Variants in UNC79 observed in about 807,000 individuals in gnomAD.
The protein encoded by UNC79 is unc-79 subunit of NALCN channel complex, also known as protein unc-79 homolog.
UNC79 carries 37 observed loss-of-function variants against 283.1 expected under a neutral mutation model. The ratio of observed to expected loss-of-function variants is 0.13; its 90% CI spans 0.10 to 0.17. UNC79 has a LOEUF of 0.17. Among genes scored for constraint, UNC79 ranks in the 10% least tolerant of loss-of-function variants. The pLI is 1.00. For missense variants in UNC79, 2,272 were observed against 3,211.1 expected (o/e 0.71, Z 7.07); for synonymous variants, 1,107 against 1,200.2 (o/e 0.92, Z 1.61).
rs1397148012 is a variant in UNC79 at position 93,688,249 on chromosome 14, C to A, written c.6910-416C>A. Reference sequence around the variant, plus strand: ...AACTACAGTAAAAATGTGTCTCTCACAATTGCTATGAAAAAGAGGCAGAAG... The same window carrying A: ...AACTACAGTAAAAATGTGTCTCTCAAAATTGCTATGAAAAAGAGGCAGAAG... On this transcript the variant is annotated intron_variant, in intron 43 of 48. Coordinates refer to ENST00000555664, the Ensembl canonical transcript of UNC79. This position sits in a 1 kb window ranked among gnomAD's most constrained non-coding sequence, Gnocchi z 4.0. Among the ~76,000 whole-genome samples the A allele has an allele frequency of 2.0e-5, 3 of 152,108 alleles. No homozygotes were observed. Among genetic ancestry groups the A allele is most frequent in the Non-Finnish European group, 4.4e-5 (3 of 68,032 alleles).
chr14:93,625,215 G>A (rs1297746388), intron 30 of UNC79, among the ~76,000 whole-genome samples: 1 of 152,136 alleles, frequency 6.6e-6, no homozygotes, highest in Non-Finnish European at 1.5e-5. Context: ...ACTGGACTTG[G>A]CCAGGGGCAG....
intron 1 of UNC79, among the ~76,000 whole-genome samples, chr14:93,387,422 T>C (rs2054800989): frequency 2.0e-5 from 3 of 152,142 alleles, no homozygotes; most frequent in Admixed American, 1.3e-4. Context: ...ATTTCTTAGG[T>C]TTTGGTATGC....
chr14:93,597,425 A>G, exon 24 of UNC79: 1 of 1,614,222 alleles, frequency 6.2e-7, no homozygotes, highest in South Asian at 1.1e-5. Flanking sequence ...CACCTGCTGA[A>G]GTACTCCCTG....
intron 1 of UNC79, among the ~76,000 whole-genome samples, chr14:93,404,493 A>AAAAAAAAAAATATATATATATAT: frequency 2.1e-4 from 13 of 61,496 alleles, no homozygotes; most frequent in Non-Finnish European, 2.9e-4. Flanking sequence ...TTCTAAAAAA[A>AAAAAAAAAAATATATATATATAT]ATATATATAT....
intron 14 of UNC79, among the ~76,000 whole-genome samples, chr14:93,564,818 G>A (rs1478758591): frequency 2.6e-5 from 4 of 152,164 alleles, no homozygotes; most frequent in Non-Finnish European, 5.9e-5. Context: ...GGATGAGCCA[G>A]GAGAAGGAAT....
chr14:93,519,887 A>G (rs1384330298), intron 7 of UNC79, among the ~76,000 whole-genome samples: 1 of 151,602 alleles, frequency 6.6e-6, no homozygotes, highest in Non-Finnish European at 1.5e-5. Context: ...ATTAGCCTCT[A>G]TTCATTATAA....
intron 20 of UNC79, among the ~76,000 whole-genome samples, chr14:93,586,084 G>A (rs2064205341): frequency 6.6e-6 from 1 of 152,148 alleles, no homozygotes; most frequent in Non-Finnish European, 1.5e-5. Flanking sequence ...GTTTCACCAT[G>A]TTGGCCATGC....
intron 1 of UNC79, among the ~76,000 whole-genome samples, chr14:93,422,196 G>A (rs933282869): frequency 4.0e-5 from 6 of 151,798 alleles, no homozygotes; most frequent in African/African-American, 1.4e-4. Context: ...CATTGGTTTG[G>A]TCTGGAAAGG....
intron 47 of UNC79, among the ~76,000 whole-genome samples, chr14:93,701,743 A>C (rs2075545629): frequency 1.3e-5 from 2 of 152,240 alleles, no homozygotes; most frequent in Admixed American, 1.3e-4. Flanking sequence ...GATGAGCTTT[A>C]ACTGGATACA....
intron 1 of UNC79, among the ~76,000 whole-genome samples, chr14:93,422,189 T>G (rs2055615353): frequency 6.6e-6 from 1 of 151,764 alleles, no homozygotes; most frequent in African/African-American, 2.4e-5. Flanking sequence ...AGATTTACAT[T>G]GGTTTGGTCT....
exon 12 of UNC79, chr14:93,538,035 C>T: frequency 1.2e-6 from 2 of 1,614,086 alleles, no homozygotes; most frequent in Non-Finnish European, 1.7e-6. Context: ...TGCTTCTCAG[C>T]AGGGTGCTGT....
chr14:93,609,272 G>A (rs1022898509), intron 26 of UNC79, among the ~76,000 whole-genome samples: 2 of 152,146 alleles, frequency 1.3e-5, no homozygotes, highest in East Asian at 1.9e-4. Context: ...GTGCAAAGAG[G>A]GAAAAACGGC....
chr14:93,558,615 T>C (rs1361782711), intron 14 of UNC79, among the ~76,000 whole-genome samples: 3 of 127,276 alleles, frequency 2.4e-5, no homozygotes, highest in African/African-American at 9.4e-5. Flanking sequence ...TTTTTTTTTT[T>C]TTTTTTTTTT....
intron 7 of UNC79, among the ~76,000 whole-genome samples, chr14:93,519,702 G>T (rs1250027880): frequency 6.6e-6 from 1 of 151,062 alleles, no homozygotes; most frequent in Non-Finnish European, 1.5e-5. Flanking sequence ...GTATTGTACT[G>T]TTAGCTACAC....
intron 32 of UNC79, among the ~76,000 whole-genome samples, chr14:93,638,943 A>G (rs1207053775): frequency 6.6e-6 from 1 of 152,198 alleles, no homozygotes; most frequent in Non-Finnish European, 1.5e-5. Context: ...GTGTCCAATA[A>G]CTGAACCTGT....
rs1368923411 is a variant in UNC79 at position 93,600,495 on chromosome 14, A to G, written c.3373-74A>G. On this transcript the variant is annotated intron_variant, in intron 24 of 48. Transcript: ENST00000555664. ...TTGTTTCATTGACTTTGCCTAGTAT[A>G]TCGGCTTTGAAGTAACTTAGATGTT... 3 of 1,103,976 alleles carry G rather than the reference A, an allele frequency of 2.7e-6. No individual in the cohort carries two copies. The African/African-American group carries it at 4.7e-5, about 17-fold the overall frequency. 68.4% of individuals were successfully genotyped at this position (1,103,976 alleles called of 1,614,324 possible). A position where few individuals can be genotyped will look rare whatever the true frequency, so the allele number is the denominator to read the frequency against.
At chr14:93,643,624 C>G in exon 34 of UNC79, 1 of 1,613,694 alleles carries the variant, frequency 6.2e-7, no homozygotes, top group East Asian at 2.2e-5. Context: ...CATCGTGGTC[C>G]TCTCCACATT....
intron 14 of UNC79, among the ~76,000 whole-genome samples, chr14:93,564,643 G>A (rs2062765468): frequency 6.6e-6 from 1 of 152,190 alleles, no homozygotes; most frequent in African/African-American, 2.4e-5. Flanking sequence ...TAATCACCTG[G>A]GTGCAGGCGG....
intron 22 of UNC79, 152 bp downstream of exon 22, chr14:93,587,060 T>C: frequency 1.1e-6 from 1 of 900,044 alleles, no homozygotes; most frequent in Non-Finnish European, 1.6e-6. Flanking sequence ...TTTTTCTTTT[T>C]TAGTCTAATT....
Sources: gnomAD v4.1 joint callset for allele counts (sites outside exome capture counted in the v4.1 genomes callset) on GRCh38, gnomAD v4.1.1 for gene constraint, Gnocchi (gnomAD v3.1) non-coding constraint, MANE v1.5 for transcripts, NCBI Gene and HGNC (gene_info 2026-07-23, HGNC 2026-07-21) for gene names.